Variants in ST6GALNAC3 observed in about 807,000 individuals in gnomAD.
The protein encoded by ST6GALNAC3 is alpha-N-acetylgalactosaminide alpha-2,6-sialyltransferase 3.
In ST6GALNAC3, 25 loss-of-function variants were observed where a neutral mutation model predicts 32.7. That is an observed-to-expected ratio of 0.76 (90% CI 0.56 to 1.07). The LOEUF (loss-of-function observed/expected upper bound fraction) is 1.07, where lower values mean the gene tolerates loss of function less well. ST6GALNAC3 is among the 50% of genes least tolerant of loss of function. The probability of loss-of-function intolerance (pLI) is 0.00; values close to 1 mark genes in which losing one functional copy is unlikely to be tolerated. For missense variants in ST6GALNAC3, 355 were observed against 382.4 expected (o/e 0.93, Z 0.60); for synonymous variants, 129 against 133.1 (o/e 0.97, Z 0.21).
chr1:76,093,100 G>A (rs1571131459), intron 1 of ST6GALNAC3, among the ~76,000 whole-genome samples: 1 of 152,152 alleles, frequency 6.6e-6, no homozygotes, highest in East Asian at 1.9e-4. Flanking sequence ...GTAAAGATTT[G>A]AAGATATGGG....
At chr1:76,318,987 T>G (rs745689255) in intron 2 of ST6GALNAC3, among the ~76,000 whole-genome samples, 4 of 152,120 alleles carry the variant, frequency 2.6e-5, no homozygotes, top group Non-Finnish European at 5.9e-5. Flanking sequence ...TGTGTTGTCT[T>G]TTTTGTTGTG....
intron 2 of ST6GALNAC3, among the ~76,000 whole-genome samples, chr1:76,327,917 G>A (rs1007980849): frequency 6.6e-6 from 1 of 152,072 alleles, no homozygotes; most frequent in Admixed American, 6.5e-5. Context: ...AAATATTTGG[G>A]TACTATGATG....
At chr1:76,521,279 A>C (rs1570076431) in intron 3 of ST6GALNAC3, among the ~76,000 whole-genome samples, 2 of 149,600 alleles carry the variant, frequency 1.3e-5, no homozygotes, top group Non-Finnish European at 2.9e-5. Flanking sequence ...CCATATATAT[A>C]CAGACATATA....
chr1:76,491,028 T>TC (rs1385932758), intron 3 of ST6GALNAC3, among the ~76,000 whole-genome samples: 1 of 151,914 alleles, frequency 6.6e-6, no homozygotes, highest in Non-Finnish European at 1.5e-5. Flanking sequence ...CCGGCTAATT[T>TC]TTTATTTTTA....
At chr1:76,621,963 C>A (rs1486524799) in intron 3 of ST6GALNAC3, among the ~76,000 whole-genome samples, 1 of 151,930 alleles carries the variant, frequency 6.6e-6, no homozygotes, top group Non-Finnish European at 1.5e-5. Flanking sequence ...TCTCTTTTTA[C>A]CCCTGAGTAT....
chr1:76,138,427 G>GA (rs148250241), intron 1 of ST6GALNAC3, among the ~76,000 whole-genome samples: 13,685 of 151,904 alleles, frequency 0.09, 776 homozygotes, highest in Non-Finnish European at 0.13. Flanking sequence ...TGGTGAAATT[G>GA]AAAAAAACCA....
chr1:76,170,475 T>C (rs1652418448), intron 1 of ST6GALNAC3, among the ~76,000 whole-genome samples: 2 of 152,168 alleles, frequency 1.3e-5, no homozygotes, highest in African/African-American at 2.4e-5. Context: ...TCTGCAAAAA[T>C]GTTTAAAAAA....
At chr1:76,555,653 T>A (rs1419759855) in intron 3 of ST6GALNAC3, among the ~76,000 whole-genome samples, 1 of 152,076 alleles carries the variant, frequency 6.6e-6, no homozygotes, top group Non-Finnish European at 1.5e-5. Flanking sequence ...AGGCTATTGA[T>A]AGACTGAAGA....
chr1:76,151,272 G>C (rs985263342), intron 1 of ST6GALNAC3, among the ~76,000 whole-genome samples: 17 of 152,196 alleles, frequency 1.1e-4, no homozygotes, highest in African/African-American at 4.1e-4. Context: ...GGCAAACAGG[G>C]GGGCAAGGGG....
chr1:76,618,666 C>T (rs762710305), intron 3 of ST6GALNAC3, among the ~76,000 whole-genome samples: 3 of 152,098 alleles, frequency 2.0e-5, no homozygotes, highest in Non-Finnish European at 4.4e-5. Flanking sequence ...GTTTTGGGCT[C>T]ATGTTGATCC....
intron 2 of ST6GALNAC3, among the ~76,000 whole-genome samples, chr1:76,324,720 C>T (rs551052997): frequency 6.6e-6 from 1 of 152,044 alleles, no homozygotes; most frequent in Admixed American, 6.6e-5. Context: ...GACATTAGAT[C>T]AAAACTAAGT....
intron 1 of ST6GALNAC3, among the ~76,000 whole-genome samples, chr1:76,132,426 C>A (rs1649670336): frequency 6.6e-6 from 1 of 152,192 alleles, no homozygotes; most frequent in South Asian, 2.1e-4. Flanking sequence ...GAGCTCCCCT[C>A]TTCCTGTTCC....
intron 1 of ST6GALNAC3, among the ~76,000 whole-genome samples, chr1:76,135,967 C>T (rs1462508310): frequency 1.3e-5 from 2 of 152,096 alleles, no homozygotes; most frequent in East Asian, 3.9e-4. Context: ...TGTCGCATAC[C>T]CCAGGCTTTT....
chr1:76,389,327 G>A (rs1652353605), intron 2 of ST6GALNAC3, among the ~76,000 whole-genome samples: 1 of 152,108 alleles, frequency 6.6e-6, no homozygotes, highest in South Asian at 2.1e-4. Flanking sequence ...TAAGTGTGGA[G>A]GCTGACCATG....
chr1:76,104,874 G>T (rs1022879977), intron 1 of ST6GALNAC3, among the ~76,000 whole-genome samples: 9 of 152,076 alleles, frequency 5.9e-5, no homozygotes, highest in African/African-American at 2.2e-4. Flanking sequence ...GGCAGGCAAA[G>T]TCCCCTTTTT....
In ST6GALNAC3 at chr1:76,311,494, T is replaced by C. The variant is rs888285116; in HGVS notation, c.19-2311T>C. ...CCCTCCCTGTGTCCATGTGTTCTCA[T>C]TGTTCAACTCCCACTTATGAGTGAG... On this transcript the variant is annotated intron_variant, in intron 1 of 4. Transcript: ENST00000328299. 2.6e-5 allele frequency among the ~76,000 whole-genome samples: 4 copies of C among 152,132 alleles called. 1 individual carries two copies. The highest frequency in any genetic ancestry group is 1.3e-4 in the Admixed American group (2 of 15,266).
intron 1 of ST6GALNAC3, among the ~76,000 whole-genome samples, chr1:76,284,281 A>G (rs1244268003): frequency 2.0e-5 from 3 of 152,226 alleles, no homozygotes; most frequent in Non-Finnish European, 1.5e-5. Context: ...AAGTAAGTAC[A>G]TCATTGTAAG....
intron 2 of ST6GALNAC3, among the ~76,000 whole-genome samples, chr1:76,410,455 G>A (rs766596752): frequency 1.3e-5 from 2 of 151,726 alleles, no homozygotes; most frequent in African/African-American, 4.8e-5. Flanking sequence ...ACACACACGT[G>A]CACACACATA....
chr1:76,346,255 T>G (rs1648501801), intron 2 of ST6GALNAC3, among the ~76,000 whole-genome samples: 1 of 152,110 alleles, frequency 6.6e-6, no homozygotes, highest in South Asian at 2.1e-4. Context: ...AAAAGTAAGC[T>G]CACACCAGGT....
Sources: gnomAD v4.1 joint callset for allele counts (sites outside exome capture counted in the v4.1 genomes callset) on GRCh38, gnomAD v4.1.1 for gene constraint, MANE v1.5 for transcripts, NCBI Gene and HGNC (gene_info 2026-07-23, HGNC 2026-07-21) for gene names.